Variants in ANKFN1 observed in about 807,000 individuals in gnomAD.
ANKFN1 encodes the protein ankyrin repeat and fibronectin type III domain containing 1, also known as ankyrin repeat and fibronectin type-III domain-containing protein 1.
Under a neutral mutation model 108.7 loss-of-function variants are expected in ANKFN1, and 74 were observed. The ratio of observed to expected loss-of-function variants is 0.68; its 90% CI spans 0.56 to 0.83. The LOEUF is 0.83. Among genes scored for constraint, ANKFN1 ranks in the 40% least tolerant of loss-of-function variants. The pLI is 0.00. For missense variants in ANKFN1, 1,505 were observed against 1,382.3 expected, an observed-to-expected ratio of 1.09 and a Z score of -1.41; for synonymous variants, 547 against 516.2, an observed-to-expected ratio of 1.06 and a Z score of -0.81.
chr17:56,050,849 T>C (rs1904762391), intron 4 of ANKFN1, among the ~76,000 whole-genome samples: 1 of 151,448 alleles, frequency 6.6e-6, no homozygotes, highest in East Asian at 1.9e-4. Context: ...ACACATACAC[T>C]CTCCCAAGAC....
At chr17:56,273,577 A>C (rs1239935448) in intron 3 of ANKFN1, among the ~76,000 whole-genome samples, 1 of 152,192 alleles carries the variant, frequency 6.6e-6, no homozygotes, top group Non-Finnish European at 1.5e-5. Flanking sequence ...TTTTATTCAC[A>C]TATGTAATTA....
intron 6 of ANKFN1, among the ~76,000 whole-genome samples, chr17:56,354,278 A>G (rs1015562405): frequency 2.6e-5 from 4 of 152,196 alleles, no homozygotes; most frequent in Non-Finnish European, 5.9e-5. Context: ...GGAACCCCCA[A>G]AGAACTTCTA....
At chr17:56,355,703 G>T (rs1177285545) in intron 6 of ANKFN1, among the ~76,000 whole-genome samples, 2 of 152,176 alleles carry the variant, frequency 1.3e-5, no homozygotes, top group African/African-American at 4.8e-5. Flanking sequence ...TTTTAGTGGT[G>T]CAGGAGACAG....
chr17:56,073,936 G>A lies in ANKFN1; in HGVS notation c.288+27611G>A, dbSNP rs77942812. On this transcript the variant is annotated intron_variant, in intron 4 of 12. Coordinates refer to the ANKFN1 transcript ENST00000635860. Reference sequence around the variant, plus strand: ...AGTATTTGGGTTGTTTCCACCTTTTGGAGATTGTGTTACTTGAGCATTTGT... The same window carrying A: ...AGTATTTGGGTTGTTTCCACCTTTTAGAGATTGTGTTACTTGAGCATTTGT... 7.3e-3 allele frequency among the ~76,000 whole-genome samples: 1,107 copies of A among 152,256 alleles called. 28 individuals are homozygous for A. Among genetic ancestry groups the A allele is most frequent in the East Asian group, 0.051 (262 of 5,178 alleles).
At chr17:56,291,349 C>CA (rs140508546) in intron 3 of ANKFN1, among the ~76,000 whole-genome samples, 15,212 of 152,176 alleles carry the variant, frequency 0.1, 1,683 homozygotes, top group African/African-American at 0.27. Context: ...AGAAGACACT[C>CA]TATGACTGGG....
At chr17:56,144,766 A>T (rs1203906120) in intron 4 of ANKFN1, among the ~76,000 whole-genome samples, 6 of 152,316 alleles carry the variant, frequency 3.9e-5, no homozygotes, top group Middle Eastern at 3.4e-3. Context: ...GAAATTGCAG[A>T]TGGACAGCCG....
chr17:56,511,604 G>C lies in ANKFN1; in HGVS notation c.*335G>C, dbSNP rs542964972. The C allele has an allele frequency of 4.3e-6, 1 of 234,484 alleles. No individual in the cohort carries two copies. The highest frequency in any genetic ancestry group is 5.3e-5 in the Admixed American group (1 of 18,700). The allele number at this position is 234,484 out of a possible 1,614,324, so 14.5% of individuals were successfully genotyped here. A position where few individuals can be genotyped will look rare whatever the true frequency, so the allele number is the denominator to read the frequency against. On this transcript the variant is annotated 3_prime_UTR_variant, in exon 21 of 21. Coordinates refer to ENST00000682825, the MANE Select transcript of ANKFN1 (RefSeq NM_001370326.1). Reference sequence around the variant, plus strand: ...AGAGAGACCCTCTGTTCTGCAGCTGGTTCTGTAATCTGACCCCTAGTTTAG... The same window carrying C: ...AGAGAGACCCTCTGTTCTGCAGCTGCTTCTGTAATCTGACCCCTAGTTTAG...
At chr17:56,283,911 A>T (rs957676122) in intron 3 of ANKFN1, among the ~76,000 whole-genome samples, 11 of 152,150 alleles carry the variant, frequency 7.2e-5, no homozygotes, top group Non-Finnish European at 1.5e-4. Context: ...AAAAAATCTT[A>T]TTCTTTTTTA....
chr17:56,139,030 T>C (rs528488877), intron 4 of ANKFN1, among the ~76,000 whole-genome samples: 84 of 152,292 alleles, frequency 5.5e-4, no homozygotes, highest in African/African-American at 1.8e-3. Context: ...GATGATACAA[T>C]GAATGGGAGA....
intron 1 of ANKFN1, among the ~76,000 whole-genome samples, chr17:56,184,276 A>G (rs1458395853): frequency 6.6e-6 from 1 of 152,174 alleles, no homozygotes. Flanking sequence ...TTCAGCAACC[A>G]CCACCCTGAT....
At chr17:56,390,060 G>A (rs2047383366) in intron 8 of ANKFN1, among the ~76,000 whole-genome samples, 3 of 151,494 alleles carry the variant, frequency 2.0e-5, no homozygotes, top group Admixed American at 2.0e-4. Context: ...TTTAAGTTCT[G>A]GAGTACATGT....
At chr17:56,153,095 CCT>C (rs1323614708), upstream of ANKFN1, among the ~76,000 whole-genome samples, 1 of 152,140 alleles carries the variant, frequency 6.6e-6, no homozygotes, top group Admixed American at 6.6e-5. Context: ...TTCAACCTTT[CCT>C]CTCTCAGTCT....
chr17:56,129,442 G>A (rs1006624695), intron 4 of ANKFN1, among the ~76,000 whole-genome samples: 72 of 151,068 alleles, frequency 4.8e-4, no homozygotes, highest in African/African-American at 1.4e-3. Flanking sequence ...TATTTCCAGA[G>A]CATGTTTGAA....
At chr17:56,383,281 C>T (rs577774908) in intron 8 of ANKFN1, among the ~76,000 whole-genome samples, 102 of 152,094 alleles carry the variant, frequency 6.7e-4, no homozygotes, top group Middle Eastern at 6.8e-3. Flanking sequence ...TTGAAACCAA[C>T]GAGAACAAAG....
Position 56,514,198 on chromosome 17 carries a change from A to T in ANKFN1, c.*2929A>T, listed in dbSNP as rs181770249. Among the ~76,000 whole-genome samples the T allele has an allele frequency of 6.6e-6, 1 of 152,242 alleles. No individual in the cohort carries two copies. Among genetic ancestry groups the T allele is most frequent in the African/African-American group, 2.4e-5 (1 of 41,544 alleles). On this transcript the variant is annotated 3_prime_UTR_variant, in exon 21 of 21. Coordinates refer to ENST00000682825, the MANE Select transcript of ANKFN1 (RefSeq NM_001370326.1). ...CTAACATGCTTGATCAGCTTTCATC[A>T]TTTGTGAAAATCCTCAAAAATCCTT...
intron 1 of ANKFN1, among the ~76,000 whole-genome samples, chr17:56,159,056 G>C (rs1352166487): frequency 8.1e-5 from 4 of 49,324 alleles, no homozygotes; most frequent in Admixed American, 2.0e-4. Flanking sequence ...AAAAAAAAAA[G>C]CAGAAGAAGA....
chr17:56,335,785 T>G (rs1259273134), intron 4 of ANKFN1, among the ~76,000 whole-genome samples: 1 of 151,988 alleles, frequency 6.6e-6, no homozygotes, highest in Non-Finnish European at 1.5e-5. Context: ...GGCATCCCTG[T>G]CTTGTGCCAG....
intron 4 of ANKFN1, among the ~76,000 whole-genome samples, chr17:56,069,931 A>G (rs532823172): frequency 3.9e-5 from 6 of 152,300 alleles, no homozygotes; most frequent in South Asian, 4.1e-4. Flanking sequence ...TTGAGACCAT[A>G]TAGGGTAACT....
At chr17:56,322,402 C>T (rs1489427051) in intron 3 of ANKFN1, among the ~76,000 whole-genome samples, 2 of 152,166 alleles carry the variant, frequency 1.3e-5, no homozygotes, top group African/African-American at 4.8e-5. Flanking sequence ...TGGGTTCTCA[C>T]CACTATCCAC....
Sources: gnomAD v4.1 joint callset for allele counts (sites outside exome capture counted in the v4.1 genomes callset) on GRCh38, gnomAD v4.1.1 for gene constraint, MANE v1.5 for transcripts, NCBI Gene and HGNC (gene_info 2026-07-23, HGNC 2026-07-21) for gene names.